The following PMM2 variants were observed in gnomAD, a reference collection of about 807,000 sequenced individuals.
PMM2 encodes mannose-6-phosphate isomerase.
In PMM2, 35 loss-of-function variants were observed where a neutral mutation model predicts 33.2. The observed-to-expected ratio is 1.06, with a 90% CI of 0.81 to 1.40. The LOEUF is 1.40. Among genes scored for constraint, PMM2 ranks in the 40% most tolerant of loss-of-function variants. The pLI is 0.00. For synonymous variants in PMM2, 153 were observed against 114.7 expected (o/e 1.33, Z -2.13); for missense variants, 386 against 306.0 (o/e 1.26, Z -1.95).
intron 7 of PMM2, among the ~76,000 whole-genome samples, chr16:8,828,023 CTCTT>C (rs1240177143): frequency 8.0e-5 from 2 of 24,938 alleles, no homozygotes; most frequent in African/African-American, 2.5e-4. Flanking sequence ...AACTGTAGAA[CTCTT>C]TTTTTTTTTT....
chr16:8,816,483 A>T (rs1194472616), intron 7 of PMM2, among the ~76,000 whole-genome samples: 5 of 151,670 alleles, frequency 3.3e-5, no homozygotes, highest in Non-Finnish European at 5.9e-5. Context: ...GCTCACACCT[A>T]TAATCCCAGC....
intron 7 of PMM2, among the ~76,000 whole-genome samples, chr16:8,843,467 G>A (rs1458553338): frequency 6.6e-6 from 1 of 151,866 alleles, no homozygotes; most frequent in South Asian, 2.1e-4. Flanking sequence ...GTCCCGCACA[G>A]ATGGGACACG....
chr16:8,845,588 GT>G (rs148669369), intron 7 of PMM2, among the ~76,000 whole-genome samples: 1 of 150,408 alleles, frequency 6.6e-6, no homozygotes, highest in Admixed American at 6.6e-5. Context: ...TTTTTTGTTT[GT>G]TTTTTTTTCT....
chr16:8,806,306 C>T lies in PMM2; in HGVS notation c.256-10C>T, dbSNP rs756647792. 3 of 1,549,790 alleles carry T rather than the reference C, an allele frequency of 1.9e-6. No homozygotes were observed. The highest frequency in any genetic ancestry group is 4.5e-5 in the East Asian group (2 of 44,598). ...CTAAATCAAGTAACTCAAGTATTTT[C>T]TTCATCTAGAATATTCAAAGTCATC... On this transcript the variant is annotated splice_polypyrimidine_tract_variant and intron_variant, in intron 3 of 7. Transcript: ENST00000268261.
Position 8,847,790 on chromosome 16 carries a change from G to T in PMM2, c.706G>T (p.Asp236Tyr). The part of the protein sequence containing the change: ...TMGYSVTAPE[D>Y]TRRICELLFS ...GGGCTACTCCGTGACAGCGCCTGAG[G>T]ACACGCGCAGGATCTGTGAACTGCT... The change falls in exon 8 of 8, where the codon GAC (aspartate) becomes TAC (tyrosine). Residue 236 changes from aspartate to tyrosine, a missense_variant. Coordinates refer to ENST00000268261, the MANE Select transcript of PMM2 (RefSeq NM_000303.3). 3 of 1,613,840 alleles carry T rather than the reference G, an allele frequency of 1.9e-6. No individual in the cohort carries two copies. The highest frequency in any genetic ancestry group is 2.5e-6 in the Non-Finnish European group (3 of 1,179,862).
chr16:8,823,710 G>C (rs760560672), intron 7 of PMM2, among the ~76,000 whole-genome samples: 43 of 150,792 alleles, frequency 2.9e-4, no homozygotes, highest in Non-Finnish European at 3.4e-4. Context: ...AGATAAACCT[G>C]TATGAGTTGG....
At chr16:8,838,303 ACTT>A (rs796124236) in intron 7 of PMM2, among the ~76,000 whole-genome samples, 19 of 152,130 alleles carry the variant, frequency 1.2e-4, no homozygotes, top group African/African-American at 4.3e-4. Context: ...GGCTATTTTT[ACTT>A]CTTTTGTGGA....
At chr16:8,838,701 AAAG>A (rs894524953) in intron 7 of PMM2, among the ~76,000 whole-genome samples, 5 of 152,058 alleles carry the variant, frequency 3.3e-5, no homozygotes, top group African/African-American at 7.2e-5. Context: ...GGTCCAAATA[AAAG>A]AAGGAGAAAA....
At chr16:8,798,369 G>T (rs2060591730) in intron 1 of PMM2, among the ~76,000 whole-genome samples, 1 of 152,132 alleles carries the variant, frequency 6.6e-6, no homozygotes, top group Admixed American at 6.6e-5. Flanking sequence ...CGACCTAGTG[G>T]AGTCTCATCT....
intron 7 of PMM2, among the ~76,000 whole-genome samples, chr16:8,828,302 C>T (rs1391325711): frequency 3.9e-5 from 6 of 151,974 alleles, no homozygotes; most frequent in African/African-American, 7.3e-5. Flanking sequence ...TCAAGGCAAG[C>T]TGTCCATGGT....
At chr16:8,800,676 TTTTTTGTTTTG>T (rs1176518332) in intron 1 of PMM2, among the ~76,000 whole-genome samples, 3 of 148,446 alleles carry the variant, frequency 2.0e-5, no homozygotes, top group East Asian at 1.9e-4. Flanking sequence ...TTTTTTTTTT[TTTTTTGTTTTG>T]TTTTGTTTTG....
At chr16:8,827,882 A>ATTAT (rs1567164826) in intron 7 of PMM2, among the ~76,000 whole-genome samples, 9 of 105,830 alleles carry the variant, frequency 8.5e-5, no homozygotes, top group East Asian at 5.1e-4. Context: ...TATGTTATAT[A>ATTAT]ATATATGATA....
intron 4 of PMM2, 194 bp downstream of exon 4, chr16:8,806,601 C>G (rs2060649791): frequency 4.9e-6 from 3 of 615,424 alleles, no homozygotes; most frequent in Admixed American, 2.5e-5. Context: ...TCCACATTTT[C>G]TCTGGCTGCC....
intron 6 of PMM2, 125 bp from the exon 7 acceptor site, chr16:8,812,861 CAAACT>C: frequency 1.4e-6 from 1 of 716,238 alleles, no homozygotes; most frequent in South Asian, 1.5e-5. Context: ...GTCTAAGTAG[CAAACT>C]AGAGTACTGA....
chr16:8,813,503 G>T (rs914885165), intron 7 of PMM2, among the ~76,000 whole-genome samples: 3 of 152,172 alleles, frequency 2.0e-5, no homozygotes, highest in Non-Finnish European at 4.4e-5. Context: ...AACACGAGGG[G>T]CCATGAACGA....
At chr16:8,802,336 C>A in intron 2 of PMM2, 1 of 455,814 alleles carries the variant, frequency 2.2e-6, no homozygotes, top group South Asian at 1.5e-5. Flanking sequence ...TTATTGACCC[C>A]TTCACTGGAG....
chr16:8,804,513 G>A (rs1019419957), intron 2 of PMM2, among the ~76,000 whole-genome samples: 7 of 152,068 alleles, frequency 4.6e-5, no homozygotes, highest in African/African-American at 7.2e-5. Context: ...GCTGAAGTCA[G>A]GGACATAAGA....
intron 7 of PMM2, 110 bp from the exon 8 acceptor site, chr16:8,847,614 C>A: frequency 1.3e-6 from 1 of 784,674 alleles, no homozygotes; most frequent in Non-Finnish European, 2.3e-6. Flanking sequence ...AGAAACTCTC[C>A]CTGCCCAGTT....
At position 8,848,186 on chromosome 16, in the gene PMM2, G is replaced by C; in HGVS notation, c.*361G>C. On this transcript the variant is annotated 3_prime_UTR_variant, in exon 8 of 8. Coordinates refer to ENST00000268261, the MANE Select transcript of PMM2 (RefSeq NM_000303.3). Reference sequence around the variant, plus strand: ...AAACTGTGCCTGGACCCTCCCTCTTGGTGGGTCTGTGGAAACATAAGCGGT... The same window carrying C: ...AAACTGTGCCTGGACCCTCCCTCTTCGTGGGTCTGTGGAAACATAAGCGGT... The C allele has an allele frequency of 3.6e-6, 1 of 275,424 alleles. No homozygotes were observed. Among genetic ancestry groups the C allele is most frequent in the Non-Finnish European group, 7.2e-6 (1 of 139,412 alleles). The allele number at this position is 275,424 out of a possible 1,614,324, so 17.1% of individuals were successfully genotyped here. A position where few individuals can be genotyped will look rare whatever the true frequency, so the allele number is the denominator to read the frequency against.
Sources: allele counts gnomAD v4.1 joint callset (sites outside exome capture counted in the v4.1 genomes callset), GRCh38; gene constraint gnomAD v4.1.1; transcripts MANE v1.5; gene names NCBI Gene and HGNC (gene_info 2026-07-23, HGNC 2026-07-21).